Variants in OSBPL9 observed in about 807,000 individuals in gnomAD.
OSBPL9 encodes the protein oxysterol binding protein like 9, also known as oxysterol-binding protein-related protein 9.
A neutral mutation model predicts 106.6 loss-of-function variants in OSBPL9; 40 were observed. That is an observed-to-expected ratio of 0.38 (90% CI 0.29 to 0.49). OSBPL9 has a LOEUF of 0.49. Among genes scored for constraint, OSBPL9 ranks in the 20% least tolerant of loss-of-function variants. The probability of loss-of-function intolerance (pLI) is 0.97; values close to 1 mark genes in which losing one functional copy is unlikely to be tolerated. For missense variants in OSBPL9, 609 were observed against 887.2 expected, an observed-to-expected ratio of 0.69 and a Z score of 3.98; for synonymous variants, 269 against 295.4, an observed-to-expected ratio of 0.91 and a Z score of 0.92.
At chr1:51,716,778 G>T (rs552971173) in intron 4 of OSBPL9, among the ~76,000 whole-genome samples, 41 of 152,098 alleles carry the variant, frequency 2.7e-4, no homozygotes, top group Non-Finnish European at 5.3e-4. Flanking sequence ...TCTTCCAAAG[G>T]GGTATAGGAG....
the OSBPL9 span, chr1:51,538,850 C>G: frequency 1.3e-5 from 2 of 152,304 alleles, no homozygotes; most frequent in Non-Finnish European, 2.9e-5. Flanking sequence ...CCTTTCCACT[C>G]AGCTGACCTC....
At chr1:51,613,259 C>G (rs1262331719), upstream of OSBPL9, among the ~76,000 whole-genome samples, 2 of 152,194 alleles carry the variant, frequency 1.3e-5, no homozygotes, top group Non-Finnish European at 2.9e-5. Flanking sequence ...GTTTCAAGAT[C>G]CCCACAGTTT....
In OSBPL9 at chr1:51,761,809, C is replaced by A; in HGVS notation, c.674-58C>A. On this transcript the variant is annotated intron_variant, in intron 10 of 23. Coordinates refer to ENST00000428468, the MANE Select transcript of OSBPL9 (RefSeq NM_024586.6). ...ATTTTGAATCCCAGACAATTACAGT[C>A]AATAGAATGTGTGTTTGGCTGTTTC... 3.1e-6 allele frequency: 4 copies of A among 1,290,594 alleles called. No homozygotes were observed. The South Asian group carries it at 3.6e-5, about 12-fold the overall frequency. 79.9% of individuals were successfully genotyped at this position (1,290,594 alleles called of 1,614,324 possible). A position where few individuals can be genotyped will look rare whatever the true frequency, so the allele number is the denominator to read the frequency against.
chr1:51,543,308 A>G, the OSBPL9 span, among the ~76,000 whole-genome samples: 1 of 152,224 alleles, frequency 6.6e-6, no homozygotes, highest in Non-Finnish European at 1.5e-5. Context: ...GGCCTTTTGC[A>G]TATAATCTTC....
chr1:51,645,713 A>G (rs1646112128), intron 1 of OSBPL9, among the ~76,000 whole-genome samples: 1 of 152,158 alleles, frequency 6.6e-6, no homozygotes, highest in Non-Finnish European at 1.5e-5. Flanking sequence ...TTCCAAGGTC[A>G]CAAAGATTTA....
Position 51,594,178 on chromosome 1 carries a change from C to T in OSBPL9, c.-422-3946C>T, listed in dbSNP as rs1270569431. Among the ~76,000 whole-genome samples the T allele has an allele frequency of 2.0e-5, 3 of 152,004 alleles. No homozygotes were observed. In the South Asian group the frequency reaches 6.2e-4, roughly 31 times the overall value. ...TTGGGAGGCCGAGGTGTGTGGATCA[C>T]CTGAGGTCAGGAGTTCGAGACAAAC... On this transcript the variant is annotated intron_variant, in intron 1 of 25. Coordinates refer to the OSBPL9 transcript ENST00000371714.
chr1:51,781,830 T>C (rs1676457344), intron 16 of OSBPL9, among the ~76,000 whole-genome samples: 1 of 151,920 alleles, frequency 6.6e-6, no homozygotes, highest in Non-Finnish European at 1.5e-5. Flanking sequence ...CATTTACTGA[T>C]AAGGAAAAGA....
the OSBPL9 span, among the ~76,000 whole-genome samples, chr1:51,528,265 A>G: frequency 1.3e-5 from 2 of 152,150 alleles, no homozygotes; most frequent in Non-Finnish European, 2.9e-5. Flanking sequence ...TCTTGTATAT[A>G]TAGAAAATCC....
At chr1:51,698,410 G>T (rs1415984759) in intron 3 of OSBPL9, among the ~76,000 whole-genome samples, 2 of 152,106 alleles carry the variant, frequency 1.3e-5, no homozygotes, top group East Asian at 3.9e-4. Context: ...AATGTGTATG[G>T]CATATAATAA....
At chr1:51,532,101 G>A in the OSBPL9 span, among the ~76,000 whole-genome samples, 8 of 152,176 alleles carry the variant, frequency 5.3e-5, no homozygotes, top group Non-Finnish European at 8.8e-5. Context: ...CTTGGTAATC[G>A]TTTCAGGGGA....
chr1:51,763,453 T>G (rs1671946666), intron 11 of OSBPL9, among the ~76,000 whole-genome samples: 1 of 152,192 alleles, frequency 6.6e-6, no homozygotes, highest in Admixed American at 6.5e-5. Context: ...CAAGGAAGCA[T>G]CTAGCACTTT....
chr1:51,785,018 C>CATCT (rs1677270258), intron 20 of OSBPL9: 1 of 181,900 alleles, frequency 5.5e-6, no homozygotes, highest in Admixed American at 5.5e-5. Context: ...ATTTTGCACG[C>CATCT]ATCTGGCTTG....
chr1:51,629,387 T>A (rs1336524118), intron 1 of OSBPL9, among the ~76,000 whole-genome samples: 2 of 152,150 alleles, frequency 1.3e-5, no homozygotes, highest in Non-Finnish European at 2.9e-5. Context: ...GTAAATATAG[T>A]CATGGGTCGC....
intron 2 of OSBPL9, among the ~76,000 whole-genome samples, chr1:51,603,564 A>G (rs1258159177): frequency 6.6e-6 from 1 of 152,216 alleles, no homozygotes; most frequent in African/African-American, 2.4e-5. Flanking sequence ...GATTTGCCCT[A>G]AGTCACACAG....
chr1:51,611,036 G>A (rs1441291065), intron 2 of OSBPL9, among the ~76,000 whole-genome samples: 1 of 152,190 alleles, frequency 6.6e-6, no homozygotes, highest in African/African-American at 2.4e-5. Context: ...TTTAAAGCCC[G>A]AGGTAGCTGA....
At chr1:51,776,594 A>G (rs111978386) in intron 14 of OSBPL9, among the ~76,000 whole-genome samples, 5 of 152,292 alleles carry the variant, frequency 3.3e-5, no homozygotes, top group South Asian at 2.1e-4. Flanking sequence ...TTCACAGAGG[A>G]AGTGACATTT....
rs768934404 is a variant in OSBPL9, at chr1:51,646,061, G to A, written c.112-5930G>A. ...AATTGAGAAGTGTGAGTCCTCCAATGTTGTTCTTTTTTTGAAGTTTGTTCT... is the reference window on the plus strand; with the variant it reads ...AATTGAGAAGTGTGAGTCCTCCAATATTGTTCTTTTTTTGAAGTTTGTTCT... On this transcript the variant is annotated intron_variant, in intron 1 of 23. Coordinates refer to ENST00000428468, the MANE Select transcript of OSBPL9 (RefSeq NM_024586.6). 2.0e-5 allele frequency among the ~76,000 whole-genome samples: 3 copies of A among 152,154 alleles called. No homozygotes were observed. In the East Asian group the frequency reaches 5.8e-4, roughly 29 times the overall value.
At chr1:51,767,936 CTTTTTTTTTT>C (rs869092922) in intron 12 of OSBPL9, among the ~76,000 whole-genome samples, 9 of 65,016 alleles carry the variant, frequency 1.4e-4, no homozygotes, top group African/African-American at 4.8e-4. Context: ...TAAAGACCGT[CTTTTTTTTTT>C]TTTTTTTTTT....
intron 1 of OSBPL9, among the ~76,000 whole-genome samples, chr1:51,642,581 C>T (rs138606260): frequency 6.6e-6 from 1 of 152,188 alleles, no homozygotes; most frequent in Admixed American, 6.5e-5. Flanking sequence ...TTATTTTTCT[C>T]TCCTATGAAG....
Sources: gnomAD v4.1 joint callset for allele counts (sites outside exome capture counted in the v4.1 genomes callset) on GRCh38, gnomAD v4.1.1 for gene constraint, MANE v1.5 for transcripts, NCBI Gene and HGNC (gene_info 2026-07-23, HGNC 2026-07-21) for gene names.